ADAM2: variants seen among roughly 807,000 people sequenced by gnomAD.
ADAM2 encodes disintegrin and metalloproteinase domain-containing protein 2.
Under a neutral mutation model 99.3 loss-of-function variants are expected in ADAM2, and 101 were observed. That is an observed-to-expected ratio of 1.02 (90% CI 0.87 to 1.20). The LOEUF (loss-of-function observed/expected upper bound fraction) is 1.20. Among genes scored for constraint, ADAM2 ranks in the 50% most tolerant of loss-of-function variants. The pLI is 0.00. For synonymous variants in ADAM2, 323 were observed against 287.6 expected, an observed-to-expected ratio of 1.12 and a Z score of -1.25; for missense variants, 948 against 878.7, an observed-to-expected ratio of 1.08 and a Z score of -1.00.
At chr8:39,762,604 C>T (rs1388212703) in intron 14 of ADAM2, among the ~76,000 whole-genome samples, 1 of 152,096 alleles carries the variant, frequency 6.6e-6, no homozygotes, top group African/African-American at 2.4e-5. Flanking sequence ...GTTTATTTTA[C>T]TTAAGAAATA....
chr8:39,806,418 T>G (rs1354432369), intron 7 of ADAM2, among the ~76,000 whole-genome samples: 1 of 150,728 alleles, frequency 6.6e-6, no homozygotes, highest in Non-Finnish European at 1.5e-5. Flanking sequence ...CCAACTATAT[T>G]ATATTAAAAA....
At chr8:39,799,935 G>T (rs118111426) in intron 7 of ADAM2, among the ~76,000 whole-genome samples, 2,144 of 152,140 alleles carry the variant, frequency 0.014, 26 homozygotes, top group Non-Finnish European at 0.022. Flanking sequence ...ACGTAAGATG[G>T]GTCTCCTGAG....
At position 39,776,251 on chromosome 8, in the gene ADAM2, A is replaced by G. The variant is rs568849572; in HGVS notation, c.1028+774T>C. ...AAAGCCACTCTGGGGTAACTATTTTAGGACAGGTCCCCCATCCCTGCCACC... is the reference window on the plus strand; with the variant it reads ...AAAGCCACTCTGGGGTAACTATTTTGGGACAGGTCCCCCATCCCTGCCACC... On this transcript the variant is annotated intron_variant, in intron 11 of 20. Transcript: ENST00000265708. Among the ~76,000 whole-genome samples the G allele has an allele frequency of 3.0e-4, 45 of 152,216 alleles. No homozygotes were observed. The South Asian group carries it at 8.5e-3, about 29-fold the overall frequency.
At chr8:39,830,672 C>T (rs1805576690) in intron 3 of ADAM2, among the ~76,000 whole-genome samples, 1 of 151,930 alleles carries the variant, frequency 6.6e-6, no homozygotes, top group Non-Finnish European at 1.5e-5. Context: ...CATGAGAACA[C>T]ATTATTTACG....
rs368741175 is a variant in ADAM2 at position 39,801,899 on chromosome 8, G to A, written c.570+7511C>T. Among the ~76,000 whole-genome samples the A allele has an allele frequency of 3.9e-5, 6 of 152,246 alleles. No homozygotes were observed. The East Asian group carries it at 1.2e-3, about 30-fold the overall frequency. On this transcript the variant is annotated intron_variant, in intron 7 of 20. Transcript: ENST00000265708. ...GGGAAAAGAGCAGCCTGGGACTATA[G>A]AAATGGGTGCCGCCCTTCCCCCGCC...
intron 8 of ADAM2, 60 bp downstream of exon 8, chr8:39,788,609 G>T: frequency 8.7e-7 from 1 of 1,152,544 alleles, no homozygotes; most frequent in Non-Finnish European, 1.3e-6. Flanking sequence ...GTCATAATGA[G>T]GTGTAGAAAT....
intron 20 of ADAM2, 43 bp downstream of exon 20, chr8:39,744,787 T>A (rs113905354): frequency 7.1e-5 from 93 of 1,307,692 alleles, no homozygotes; most frequent in Middle Eastern, 2.4e-4. Flanking sequence ...TGTGTCCCAG[T>A]ACTTAAAGTA....
At position 39,816,952 on chromosome 8, in the gene ADAM2, G is replaced by A. The variant is rs187153627; in HGVS notation, c.513+4050C>T. Among the ~76,000 whole-genome samples the A allele has an allele frequency of 2.0e-3, 302 of 152,290 alleles. 1 individual carries two copies. The highest frequency in any genetic ancestry group is 6.9e-3 in the African/African-American group (288 of 41,572). On this transcript the variant is annotated intron_variant, in intron 6 of 20. Coordinates refer to ENST00000265708, the MANE Select transcript of ADAM2 (RefSeq NM_001464.5). ...AGATTTGGCCTGAGGGCCATAGTTT[G>A]TCAACTCCTAATTAGACTAGCCACT...
chr8:39,837,979 G>T lies in ADAM2; in HGVS notation c.55+152C>A, dbSNP rs1190687157. On this transcript the variant is annotated intron_variant, in intron 1 of 20. Coordinates refer to ENST00000265708, the MANE Select transcript of ADAM2 (RefSeq NM_001464.5). ...CCTTATTCTACGTGGATTTTGGGTG[G>T]GGAAGGCGGCAATGTCGGGGATGAG... 5.1e-6 allele frequency: 4 copies of T among 787,790 alleles called. No homozygotes were observed. In the East Asian group the frequency reaches 1.1e-4, roughly 21 times the overall value. The allele number at this position is 787,790 out of a possible 1,614,324, so 48.8% of individuals were successfully genotyped here.
At chr8:39,782,152 A>C (rs879458687) in intron 10 of ADAM2, among the ~76,000 whole-genome samples, 1 of 152,240 alleles carries the variant, frequency 6.6e-6, no homozygotes, top group East Asian at 1.9e-4. Context: ...ATGGGCAAAC[A>C]TTTCTTGAAG....
At chr8:39,837,065 G>T in intron 2 of ADAM2, 71 bp downstream of exon 2, 2 of 1,222,466 alleles carry the variant, frequency 1.6e-6, no homozygotes, top group Admixed American at 2.1e-5. Context: ...ATGAAAAATG[G>T]CAGATTAACT....
At chr8:39,806,561 A>G (rs1040076356) in intron 7 of ADAM2, among the ~76,000 whole-genome samples, 1 of 150,102 alleles carries the variant, frequency 6.7e-6, no homozygotes, top group Non-Finnish European at 1.5e-5. Context: ...GGTAATGTAA[A>G]CTATGTTCTA....
At chr8:39,769,248 A>T (rs1259227429) in intron 12 of ADAM2, 144 bp downstream of exon 12, 5 of 613,154 alleles carry the variant, frequency 8.2e-6, no homozygotes, top group Non-Finnish European at 1.4e-5. Context: ...TGCACTCATT[A>T]GTTGTTATAA....
intron 4 of ADAM2, 79 bp from the exon 5 acceptor site, chr8:39,821,741 GTGTTT>G: frequency 9.8e-7 from 1 of 1,023,508 alleles, no homozygotes; most frequent in South Asian, 1.4e-5. Context: ...AAACATATAT[GTGTTT>G]TGTTTTTATG....
intron 12 of ADAM2, among the ~76,000 whole-genome samples, chr8:39,768,528 T>C (rs1001542865): frequency 3.9e-5 from 6 of 152,306 alleles, no homozygotes; most frequent in Admixed American, 1.3e-4. Context: ...TTCTTAATTA[T>C]GTATGTTACA....
chr8:39,771,718 A>G (rs1802786613), intron 11 of ADAM2, among the ~76,000 whole-genome samples: 1 of 152,160 alleles, frequency 6.6e-6, no homozygotes, highest in Admixed American at 6.6e-5. Flanking sequence ...ATCCTGGCTG[A>G]ACATCCCCTT....
chr8:39,816,942 G>A (rs954767596), intron 6 of ADAM2, among the ~76,000 whole-genome samples: 7 of 152,198 alleles, frequency 4.6e-5, no homozygotes, highest in African/African-American at 1.2e-4. Flanking sequence ...TGGCCTGAGG[G>A]CCATAGTTTG....
intron 7 of ADAM2, among the ~76,000 whole-genome samples, chr8:39,791,263 T>G (rs1358011863): frequency 6.6e-6 from 1 of 152,002 alleles, no homozygotes; most frequent in Non-Finnish European, 1.5e-5. Flanking sequence ...TAAGTTAGCA[T>G]AGTAAGAATG....
intron 14 of ADAM2, among the ~76,000 whole-genome samples, chr8:39,765,659 CT>C (rs1205977880): frequency 3.3e-5 from 5 of 152,162 alleles, no homozygotes; most frequent in Admixed American, 6.5e-5. Context: ...TATTTTCCTT[CT>C]TTAATCTGAA....
Sources: allele counts gnomAD v4.1 joint callset (sites outside exome capture counted in the v4.1 genomes callset), GRCh38; gene constraint gnomAD v4.1.1; transcripts MANE v1.5; gene names NCBI Gene and HGNC (gene_info 2026-07-23, HGNC 2026-07-21).